Variants in ARHGAP44 observed in about 807,000 individuals in gnomAD.
The protein encoded by ARHGAP44 is rho GTPase-activating protein 44.
ARHGAP44 carries 43 observed loss-of-function variants against 106.8 expected under a neutral mutation model. That is an observed-to-expected ratio of 0.40 (90% CI 0.32 to 0.52). ARHGAP44 has a LOEUF of 0.52. Among genes scored for constraint, ARHGAP44 ranks in the 20% least tolerant of loss-of-function variants. ARHGAP44 has a pLI of 0.48. For synonymous variants in ARHGAP44, 439 were observed against 410.3 expected, an observed-to-expected ratio of 1.07 and a Z score of -0.85; for missense variants, 866 against 1,050.5, an observed-to-expected ratio of 0.82 and a Z score of 2.43.
rs1567686703 is a variant in ARHGAP44, at chr17:12,919,146, CA to C, written c.388-602del. 4.6e-5 allele frequency among the ~76,000 whole-genome samples: 7 copies of C among 151,882 alleles called. No homozygotes were observed. In the South Asian group the frequency reaches 1.5e-3, roughly 32 times the overall value. ...GATAGATCTTCAGCGTACTCACCAT[CA>C]AAAAAAGAAAATAGAAACTATGGGA... On this transcript the variant is annotated intron_variant, in intron 5 of 20. Transcript: ENST00000379672.
intron 7 of ARHGAP44, among the ~76,000 whole-genome samples, chr17:12,938,409 G>A (rs1598086244): frequency 6.6e-6 from 1 of 151,890 alleles, no homozygotes; most frequent in Non-Finnish European, 1.5e-5. Flanking sequence ...ACAGTCACAT[G>A]ATTAAAACTT....
chr17:12,803,558 C>T (rs897890233), intron 1 of ARHGAP44, among the ~76,000 whole-genome samples: 2 of 152,152 alleles, frequency 1.3e-5, no homozygotes, highest in African/African-American at 4.8e-5. Context: ...AGTGCAGTGG[C>T]GTGGGTCGTA....
At chr17:12,884,683 G>T (rs2150904162) in intron 1 of ARHGAP44, among the ~76,000 whole-genome samples, 1 of 152,192 alleles carries the variant, frequency 6.6e-6, no homozygotes, top group South Asian at 2.1e-4. Context: ...CGGCATCTTT[G>T]CAGTCAAACC....
chr17:12,943,749 C>G, intron 9 of ARHGAP44, 80 bp downstream of exon 9: 1 of 1,424,122 alleles, frequency 7.0e-7, no homozygotes, highest in Non-Finnish European at 9.9e-7. Flanking sequence ...CCTTGTATGT[C>G]GTTGGCCCTA....
chr17:12,857,181 G>T (rs1022218818), intron 1 of ARHGAP44, among the ~76,000 whole-genome samples: 4 of 152,168 alleles, frequency 2.6e-5, no homozygotes, highest in African/African-American at 9.7e-5. Context: ...TCATGTGCAA[G>T]GATCTGGTTA....
chr17:12,959,697 A>G (rs2039212565), intron 16 of ARHGAP44, among the ~76,000 whole-genome samples: 1 of 152,206 alleles, frequency 6.6e-6, no homozygotes, highest in Non-Finnish European at 1.5e-5. Flanking sequence ...ACAGGAGGGG[A>G]TCGTCTTGGT....
intron 1 of ARHGAP44, among the ~76,000 whole-genome samples, chr17:12,850,748 C>T (rs1354543335): frequency 6.6e-6 from 1 of 152,178 alleles, no homozygotes; most frequent in East Asian, 1.9e-4. Context: ...TGCCCCAAAA[C>T]CTTAACAAGC....
At chr17:12,938,982 G>A (rs1308963727) in intron 7 of ARHGAP44, among the ~76,000 whole-genome samples, 2 of 152,138 alleles carry the variant, frequency 1.3e-5, no homozygotes, top group Admixed American at 6.5e-5. Context: ...GTCCTTCAGG[G>A]CCTTCTTTCC....
At chr17:12,840,130 A>G (rs540846293) in intron 1 of ARHGAP44, among the ~76,000 whole-genome samples, 8 of 152,218 alleles carry the variant, frequency 5.3e-5, no homozygotes, top group African/African-American at 1.7e-4. Context: ...TTTTCAGCAG[A>G]GATTTTTTTT....
intron 1 of ARHGAP44, among the ~76,000 whole-genome samples, chr17:12,807,165 C>T (rs1007024081): frequency 6.6e-6 from 1 of 152,122 alleles, no homozygotes; most frequent in Non-Finnish European, 1.5e-5. Flanking sequence ...CACTTATGTG[C>T]ATTAATACAC....
Position 12,896,528 on chromosome 17 carries a change from C to T in ARHGAP44, c.198+17C>T, listed in dbSNP as rs1212307062. 1.9e-6 allele frequency: 3 copies of T among 1,573,236 alleles called. No homozygotes were observed. The highest frequency in any genetic ancestry group is 1.9e-5 in the Admixed American group (1 of 54,042). ...AAGCGCTCCGTAAGTGCCCTCCCAG[C>T]CCTGGGGAGCTGAAATCTTGCCTAC... On this transcript the variant is annotated intron_variant, in intron 3 of 20. Coordinates refer to ENST00000379672, the MANE Select transcript of ARHGAP44 (RefSeq NM_014859.6).
rs1421942978 is a variant in ARHGAP44, at chr17:12,969,340, G to A, written c.1524-3962G>A. Among the ~76,000 whole-genome samples the A allele has an allele frequency of 3.9e-5, 6 of 152,294 alleles. No homozygotes were observed. The East Asian group carries it at 1.2e-3, about 29-fold the overall frequency. ...AGTCATATGCGCTTGGCACCTATAA[G>A]CACAAAGCATTCTCATTGACACTAC... On this transcript the variant is annotated intron_variant, in intron 16 of 20. Transcript: ENST00000379672.
rs368977818 is a variant in ARHGAP44, at chr17:12,913,592, A to G, written c.276-2308A>G. ...TTTTTAATTAAGTAGTATTAGAAAT[A>G]TGGAATAAATACCAGAAAATCAGAT... is the stretch of plus-strand genomic sequence containing the variant. On this transcript the variant is annotated intron_variant, in intron 4 of 20. Coordinates refer to ENST00000379672, the MANE Select transcript of ARHGAP44 (RefSeq NM_014859.6). Among the ~76,000 whole-genome samples, 3 of 152,182 alleles carry G rather than the reference A, an allele frequency of 2.0e-5. No homozygotes were observed. The South Asian group carries it at 6.2e-4, about 31-fold the overall frequency.
At chr17:12,924,911 C>T (rs2038189240) in intron 6 of ARHGAP44, among the ~76,000 whole-genome samples, 1 of 152,172 alleles carries the variant, frequency 6.6e-6, no homozygotes, top group African/African-American at 2.4e-5. Flanking sequence ...GAAGCCCTAC[C>T]TTCTTTGGAA....
At chr17:12,989,119 A>AAAAAAAAAAAAAAAAAG (rs2040041021) in intron 20 of ARHGAP44, among the ~76,000 whole-genome samples, 1 of 146,666 alleles carries the variant, frequency 6.8e-6, no homozygotes, top group African/African-American at 2.5e-5. Context: ...AAAAAAAAAA[A>AAAAAAAAAAAAAAAAAG]AAAAAACTAA....
intron 1 of ARHGAP44, among the ~76,000 whole-genome samples, chr17:12,842,644 C>G (rs2035451035): frequency 6.6e-6 from 1 of 152,066 alleles, no homozygotes; most frequent in African/African-American, 2.4e-5. Context: ...TGTTCTAATG[C>G]TGGAGGTTGG....
intron 1 of ARHGAP44, among the ~76,000 whole-genome samples, chr17:12,875,869 G>A (rs146923460): frequency 0.099 from 15,072 of 152,070 alleles, 1,952 homozygotes; most frequent in African/African-American, 0.3. Context: ...ACTTGAACCC[G>A]GGAGGTGGAG....
At chr17:12,943,753 G>A in intron 9 of ARHGAP44, 84 bp downstream of exon 9, 1 of 1,396,338 alleles carries the variant, frequency 7.2e-7, no homozygotes, top group Non-Finnish European at 1.0e-6. Context: ...GTATGTCGTT[G>A]GCCCTAACAC....
intron 2 of ARHGAP44, among the ~76,000 whole-genome samples, chr17:12,895,412 C>T (rs945897634): frequency 5.9e-5 from 9 of 152,066 alleles, no homozygotes; most frequent in African/African-American, 2.4e-5. Flanking sequence ...TCTCTCATTG[C>T]AGTTTTGATT....
Sources: gnomAD v4.1 joint callset for allele counts (sites outside exome capture counted in the v4.1 genomes callset) on GRCh38, gnomAD v4.1.1 for gene constraint, MANE v1.5 for transcripts, NCBI Gene and HGNC (gene_info 2026-07-23, HGNC 2026-07-21) for gene names.